ALDH1A2: variants seen among roughly 807,000 people sequenced by gnomAD.
ALDH1A2 encodes the protein retinal dehydrogenase 2.
A neutral mutation model predicts 60.3 loss-of-function variants in ALDH1A2; 27 were observed. The observed-to-expected ratio is 0.45, with a 90% confidence interval of 0.33 to 0.62. The LOEUF (loss-of-function observed/expected upper bound fraction) is 0.62. ALDH1A2 is among the 20% of genes least tolerant of loss of function. The pLI, the probability that ALDH1A2 is intolerant of heterozygous loss-of-function variation, is 0.02. For synonymous variants in ALDH1A2, 289 were observed against 232.4 expected (o/e 1.24, Z -2.21); for missense variants, 581 against 643.8 (o/e 0.90, Z 1.06).
intron 1 of ALDH1A2, among the ~76,000 whole-genome samples, chr15:58,034,044 T>C (rs529139455): frequency 7.7e-4 from 117 of 151,820 alleles, no homozygotes; most frequent in African/African-American, 2.5e-3. Flanking sequence ...AGGATTTTGA[T>C]TGGGATTGCA....
At chr15:57,988,587 A>G (rs1183676188) in intron 7 of ALDH1A2, among the ~76,000 whole-genome samples, 3 of 152,240 alleles carry the variant, frequency 2.0e-5, no homozygotes, top group African/African-American at 7.2e-5. Flanking sequence ...CAAGGGTGTT[A>G]CCTGCAAAGA....
chr15:58,021,801 A>G (rs2140527838), intron 1 of ALDH1A2, among the ~76,000 whole-genome samples: 1 of 152,368 alleles, frequency 6.6e-6, no homozygotes, highest in Non-Finnish European at 1.5e-5. Context: ...AGCCAGTGAG[A>G]CATGAGCTGA....
chr15:58,002,762 C>G (rs1341136468), intron 4 of ALDH1A2, among the ~76,000 whole-genome samples: 1 of 151,886 alleles, frequency 6.6e-6, no homozygotes, highest in African/African-American at 2.4e-5. Flanking sequence ...AGGTCATCTT[C>G]CAATCCCTAA....
At chr15:58,057,899 G>A in intron 1 of ALDH1A2, 2 of 472,796 alleles carry the variant, frequency 4.2e-6, no homozygotes, top group Non-Finnish European at 6.3e-6. Context: ...TCTGGCTACA[G>A]CCAAAAATAA....
intron 4 of ALDH1A2, among the ~76,000 whole-genome samples, chr15:58,001,079 G>A (rs1272018264): frequency 2.2e-5 from 3 of 136,996 alleles, no homozygotes; most frequent in South Asian, 2.5e-4. Context: ...TAGAATTTCT[G>A]TAGAGCCTTA....
chr15:58,043,671 C>T (rs998088025), intron 1 of ALDH1A2, among the ~76,000 whole-genome samples: 2 of 151,960 alleles, frequency 1.3e-5, no homozygotes, highest in African/African-American at 4.8e-5. Context: ...CTACAACAGA[C>T]ATTTTTAAAC....
At chr15:57,986,571 CAAAAAAAAA>C (rs71116542) in intron 7 of ALDH1A2, among the ~76,000 whole-genome samples, 1 of 82,076 alleles carries the variant, frequency 1.2e-5, no homozygotes, top group African/African-American at 5.1e-5. Flanking sequence ...ACAGAAAAGC[CAAAAAAAAA>C]AAAAAAAAAA....
intron 1 of ALDH1A2, among the ~76,000 whole-genome samples, chr15:58,040,627 C>T (rs1035853033): frequency 2.6e-5 from 4 of 151,950 alleles, no homozygotes; most frequent in South Asian, 2.1e-4. Context: ...TTCCTCTCAA[C>T]ATCTATGGCT....
intron 4 of ALDH1A2, among the ~76,000 whole-genome samples, chr15:58,009,329 T>A (rs1329297025): frequency 3.9e-5 from 6 of 151,964 alleles, no homozygotes; most frequent in Non-Finnish European, 8.8e-5. Context: ...AGTCAAAAAC[T>A]GCACTTGAAA....
At chr15:58,003,418 T>A (rs4646600) in intron 4 of ALDH1A2, among the ~76,000 whole-genome samples, 63,041 of 151,760 alleles carry the variant, frequency 0.42, 14,266 homozygotes, top group Non-Finnish European at 0.52. Context: ...AATCACTATC[T>A]TTGTGTATTT....
chr15:57,958,214 G>GCACACA (rs113322985), intron 12 of ALDH1A2, among the ~76,000 whole-genome samples: 28 of 151,818 alleles, frequency 1.8e-4, no homozygotes, highest in South Asian at 8.3e-4. Flanking sequence ...GTACACGCAC[G>GCACACA]CACACACACA....
intron 4 of ALDH1A2, among the ~76,000 whole-genome samples, chr15:57,996,686 T>C (rs1410577564): frequency 6.6e-6 from 1 of 151,994 alleles, no homozygotes; most frequent in Non-Finnish European, 1.5e-5. Flanking sequence ...TTTTCATATC[T>C]GTGGAATTTC....
intron 7 of ALDH1A2, among the ~76,000 whole-genome samples, chr15:57,972,304 G>A (rs910449345): frequency 6.6e-6 from 1 of 152,096 alleles, no homozygotes; most frequent in Non-Finnish European, 1.5e-5. Flanking sequence ...GTTCCCCTTT[G>A]CTGTGAGTAG....
rs568979157 is a variant in ALDH1A2 at position 57,980,075 on chromosome 15, C to T, written c.798+12630G>A. 10 of 307,938 alleles carry T rather than the reference C, an allele frequency of 3.2e-5. No individual in the cohort carries two copies. In the East Asian group the frequency reaches 8.9e-4, roughly 27 times the overall value. 19.1% of individuals were successfully genotyped at this position (307,938 alleles called of 1,614,324 possible). A position where few individuals can be genotyped will look rare whatever the true frequency, so the allele number is the denominator to read the frequency against. ...GGGCAGGATGTGATTCTTGGGGTCA[C>T]ACAGATGCCTCTTCACGCCATACAC... On this transcript the variant is annotated intron_variant, in intron 7 of 12. Transcript: ENST00000249750.
At chr15:57,980,015 C>G (rs1271403432) in intron 7 of ALDH1A2, 4 of 328,796 alleles carry the variant, frequency 1.2e-5, no homozygotes, top group Admixed American at 3.3e-5. Context: ...TTATTTGTAC[C>G]CATCTGGAGG....
chr15:57,974,249 T>C (rs1360532467), intron 7 of ALDH1A2, among the ~76,000 whole-genome samples: 1 of 151,796 alleles, frequency 6.6e-6, no homozygotes, highest in East Asian at 1.9e-4. Context: ...CTGGCTAACA[T>C]GGTGAAACCC....
At chr15:57,997,283 CT>C (rs1318815722) in intron 4 of ALDH1A2, among the ~76,000 whole-genome samples, 1 of 151,954 alleles carries the variant, frequency 6.6e-6, no homozygotes, top group Non-Finnish European at 1.5e-5. Flanking sequence ...AATTACCATG[CT>C]TCTTCAATTT....
intron 3 of ALDH1A2, 52 bp from the exon 4 acceptor site, chr15:58,010,830 A>T (rs1895612584): frequency 1.9e-6 from 3 of 1,605,922 alleles, no homozygotes; most frequent in Non-Finnish European, 2.6e-6. Context: ...TTCCAGCGAT[A>T]CACTAATTTC....
chr15:57,966,964 C>T (rs1357169952), intron 7 of ALDH1A2, among the ~76,000 whole-genome samples: 3 of 152,206 alleles, frequency 2.0e-5, no homozygotes, highest in Non-Finnish European at 4.4e-5. Context: ...TCCATAGAGG[C>T]AATTTGGTCT....
Sources: allele counts gnomAD v4.1 joint callset (sites outside exome capture counted in the v4.1 genomes callset), GRCh38; gene constraint gnomAD v4.1.1; transcripts MANE v1.5; gene names NCBI Gene and HGNC (gene_info 2026-07-23, HGNC 2026-07-21).